Variants in LARP4 observed in about 807,000 individuals in gnomAD.
LARP4 encodes La ribonucleoprotein 4.
Under a neutral mutation model 92.9 loss-of-function variants are expected in LARP4, and 29 were observed. That is an observed-to-expected ratio of 0.31 (90% CI 0.23 to 0.43). LARP4 has a LOEUF of 0.43. Among genes scored for constraint, LARP4 ranks in the 20% least tolerant of loss-of-function variants. LARP4 has a pLI of 1.00. For missense variants in LARP4, 732 were observed against 860.0 expected (o/e 0.85, Z 1.86); for synonymous variants, 279 against 284.1 (o/e 0.98, Z 0.18).
intron 1 of LARP4, among the ~76,000 whole-genome samples, chr12:50,414,548 C>A (rs1019029668): frequency 3.9e-5 from 6 of 152,238 alleles, no homozygotes; most frequent in Non-Finnish European, 8.8e-5. Flanking sequence ...GGCGATCCCT[C>A]AGCCTCAGCC....
chr12:50,471,905 A>G (rs1385489945), intron 13 of LARP4, among the ~76,000 whole-genome samples: 3 of 152,222 alleles, frequency 2.0e-5, no homozygotes, highest in African/African-American at 7.2e-5. Flanking sequence ...TACACGTAGT[A>G]GAAATAATCT....
In LARP4 at chr12:50,475,901, C is replaced by T; in HGVS notation, c.*37C>T. ...ACTATTCAAAAACTTCACTCTCTTC[C>T]CATTAAACTTGAACTGTGGCTATAT... On this transcript the variant is annotated 3_prime_UTR_variant, in exon 16 of 16. Transcript: ENST00000398473. 6.4e-7 allele frequency: 1 copy of T among 1,565,920 alleles called. No homozygotes were observed. The highest frequency in any genetic ancestry group is 1.1e-5 in the South Asian group (1 of 88,322).
At chr12:50,475,477 A>G in intron 15 of LARP4, 49 bp from the exon 16 acceptor site, 1 of 1,415,472 alleles carries the variant, frequency 7.1e-7, no homozygotes. Context: ...ATACTTTATA[A>G]TTTAAAGAAT....
At chr12:50,440,820 G>A (rs1291867086) in intron 7 of LARP4, among the ~76,000 whole-genome samples, 1 of 151,666 alleles carries the variant, frequency 6.6e-6, no homozygotes, top group Non-Finnish European at 1.5e-5. Context: ...GTACCTAGTG[G>A]TATTTTTAGT....
Position 50,455,369 on chromosome 12 carries a change from C to A in LARP4, c.1121+952C>A, listed in dbSNP as rs185640124. On this transcript the variant is annotated intron_variant, in intron 10 of 15. Transcript: ENST00000398473. ...AGGCGTGATACTATGGCTTTTAACA[C>A]AGTATGAGTAACCAAAGAATAAAGG... Among the ~76,000 whole-genome samples the A allele has an allele frequency of 8.5e-5, 13 of 152,282 alleles. No individual in the cohort carries two copies. The East Asian group carries it at 2.3e-3, about 27-fold the overall frequency.
At chr12:50,428,139 G>A (rs1198681817) in intron 2 of LARP4, among the ~76,000 whole-genome samples, 1 of 151,848 alleles carries the variant, frequency 6.6e-6, no homozygotes, top group Non-Finnish European at 1.5e-5. Context: ...GGGATTACAG[G>A]CGCCTGGCTT....
chr12:50,467,227 G>T, intron 13 of LARP4, 107 bp downstream of exon 13: 2 of 810,282 alleles, frequency 2.5e-6, no homozygotes, highest in Non-Finnish European at 1.8e-6. Context: ...TTCTATCATA[G>T]TTTTTATTTA....
At chr12:50,451,875 G>A (rs1223626201) in intron 8 of LARP4, among the ~76,000 whole-genome samples, 1 of 151,920 alleles carries the variant, frequency 6.6e-6, no homozygotes, top group Non-Finnish European at 1.5e-5. Context: ...GTGTTGGTGG[G>A]TGCCTCTAAT....
At chr12:50,438,179 G>A (rs1950700395) in intron 6 of LARP4, among the ~76,000 whole-genome samples, 1 of 152,176 alleles carries the variant, frequency 6.6e-6, no homozygotes. Flanking sequence ...AAGAATGAAT[G>A]AAAAACTAGA....
At chr12:50,407,809 A>C (rs1440652185) in intron 1 of LARP4, among the ~76,000 whole-genome samples, 2 of 152,178 alleles carry the variant, frequency 1.3e-5, no homozygotes, top group Non-Finnish European at 2.9e-5. Flanking sequence ...GGTGACAGTG[A>C]GACTGTCTCA....
At chr12:50,447,534 ACTGTTTAC>A (rs1484340562) in intron 8 of LARP4, among the ~76,000 whole-genome samples, 1 of 152,140 alleles carries the variant, frequency 6.6e-6, no homozygotes, top group Non-Finnish European at 1.5e-5. Flanking sequence ...ATAATTAGTT[ACTGTTTAC>A]CCATTATCCA....
chr12:50,406,184 T>C (rs1944799149), intron 1 of LARP4, among the ~76,000 whole-genome samples: 1 of 152,162 alleles, frequency 6.6e-6, no homozygotes, highest in South Asian at 2.1e-4. Context: ...TAAAACATAT[T>C]TTAGGTTGGG....
chr12:50,423,872 C>T (rs1948286465), intron 1 of LARP4, among the ~76,000 whole-genome samples: 1 of 151,950 alleles, frequency 6.6e-6, no homozygotes. Flanking sequence ...CTGCCTCAGC[C>T]TCCCGAGTAG....
rs528357241 is a variant in LARP4, at chr12:50,460,803, C to T, written c.1122-332C>T. Among the ~76,000 whole-genome samples the T allele has an allele frequency of 2.6e-5, 4 of 152,090 alleles. No homozygotes were observed. In the South Asian group the frequency reaches 6.2e-4, roughly 24 times the overall value. On this transcript the variant is annotated intron_variant, in intron 10 of 15. Coordinates refer to ENST00000398473, the MANE Select transcript of LARP4 (RefSeq NM_052879.5). ...AACAAAATACAAAAAATTAGCTGGA[C>T]GTGGTGGCTGGCGCCTGTAGTCCCA...
chr12:50,437,655 A>T, intron 5 of LARP4, 80 bp from the exon 6 acceptor site: 1 of 771,318 alleles, frequency 1.3e-6, no homozygotes, highest in Non-Finnish European at 2.1e-6. Context: ...GTTGGAAATT[A>T]AAATGAATAG....
Position 50,478,664 on chromosome 12 carries a change from C to A in LARP4, c.*2800C>A, listed in dbSNP as rs997092726. On this transcript the variant is annotated 3_prime_UTR_variant, in exon 16 of 16. Coordinates refer to ENST00000398473, the MANE Select transcript of LARP4 (RefSeq NM_052879.5). ...CATAGTTCTTACTGCATGAAGAGAA[C>A]AAGAGTCACACAAGTTCACCACTTT... 1 of 152,078 alleles carries A rather than the reference C, an allele frequency of 6.6e-6. No homozygotes were observed. Among genetic ancestry groups the A allele is most frequent in the Non-Finnish European group, 1.5e-5 (1 of 67,982 alleles). 9.4% of individuals were successfully genotyped at this position (152,078 alleles called of 1,614,324 possible). A position where few individuals can be genotyped will look rare whatever the true frequency, so the allele number is the denominator to read the frequency against.
chr12:50,467,177 A>G, intron 13 of LARP4, 57 bp downstream of exon 13: 1 of 1,390,320 alleles, frequency 7.2e-7, no homozygotes, highest in Non-Finnish European at 9.8e-7. Flanking sequence ...CTTTATTTGC[A>G]GTGTTGTTAT....
At chr12:50,445,559 C>T (rs1306460146) in intron 8 of LARP4, among the ~76,000 whole-genome samples, 2 of 152,026 alleles carry the variant, frequency 1.3e-5, no homozygotes, top group Admixed American at 1.3e-4. Flanking sequence ...TTTGGTACTC[C>T]AATTTCATAT....
At chr12:50,459,296 G>A (rs1403968198) in intron 10 of LARP4, among the ~76,000 whole-genome samples, 4 of 152,044 alleles carry the variant, frequency 2.6e-5, no homozygotes, top group East Asian at 1.9e-4. Flanking sequence ...ACCATGCCCG[G>A]CTGAGGCTAG....
Sources: gnomAD v4.1 joint callset for allele counts (sites outside exome capture counted in the v4.1 genomes callset) on GRCh38, gnomAD v4.1.1 for gene constraint, MANE v1.5 for transcripts, NCBI Gene and HGNC (gene_info 2026-07-23, HGNC 2026-07-21) for gene names.